The following CRADD variants were observed in gnomAD, a reference collection of about 807,000 sequenced individuals.
CRADD encodes the protein CARD and death domain containing adaptor protein, also known as death domain-containing protein CRADD.
Under a neutral mutation model 15.5 loss-of-function variants are expected in CRADD, and 9 were observed. That is an observed-to-expected ratio of 0.58 (90% CI 0.35 to 1.01). The LOEUF (loss-of-function observed/expected upper bound fraction) is 1.01. Ranked by LOEUF, CRADD falls within the 50% of genes least tolerant of loss-of-function variation. The probability of loss-of-function intolerance (pLI) is 0.02; values close to 1 mark genes in which losing one functional copy is unlikely to be tolerated. For synonymous variants in CRADD, 118 were observed against 107.6 expected (o/e 1.10, Z -0.60); for missense variants, 227 against 250.3 (o/e 0.91, Z 0.63).
chr12:93,716,007 C>A (rs1429164715), intron 2 of CRADD, among the ~76,000 whole-genome samples: 1 of 151,780 alleles, frequency 6.6e-6, no homozygotes, highest in Non-Finnish European at 1.5e-5. Context: ...TGGCAGATGC[C>A]TGTAATCCAA....
chr12:93,710,625 G>A (rs190499649), intron 2 of CRADD, among the ~76,000 whole-genome samples: 3 of 152,198 alleles, frequency 2.0e-5, no homozygotes, highest in African/African-American at 4.8e-5. Context: ...GATTACAGGC[G>A]TGAACCACCA....
At chr12:93,682,048 A>G (rs1013028998) in intron 2 of CRADD, among the ~76,000 whole-genome samples, 4 of 152,174 alleles carry the variant, frequency 2.6e-5, no homozygotes, top group East Asian at 1.9e-4. Flanking sequence ...ATTGGTGGCA[A>G]TATTTTAATT....
At chr12:93,791,650 T>C (rs1957350767) in intron 2 of CRADD, among the ~76,000 whole-genome samples, 1 of 152,088 alleles carries the variant, frequency 6.6e-6, no homozygotes, top group African/African-American at 2.4e-5. Flanking sequence ...TACTTCAAAA[T>C]TGCTGAGTAA....
chr12:93,826,509 A>C (rs940923321), intron 2 of CRADD, among the ~76,000 whole-genome samples: 4 of 152,146 alleles, frequency 2.6e-5, no homozygotes, highest in Non-Finnish European at 5.9e-5. Flanking sequence ...TACTTTTTAC[A>C]TTTTCAAAGC....
intron 2 of CRADD, among the ~76,000 whole-genome samples, chr12:93,768,153 G>A (rs1345757313): frequency 6.6e-6 from 1 of 152,106 alleles, no homozygotes; most frequent in African/African-American, 2.4e-5. Context: ...TGAAATATGA[G>A]TATAAAAATA....
At chr12:93,681,881 A>G (rs1026148042) in intron 2 of CRADD, among the ~76,000 whole-genome samples, 18 of 152,190 alleles carry the variant, frequency 1.2e-4, no homozygotes, top group African/African-American at 4.3e-4. Context: ...GTGTGTGTAT[A>G]TGTATATATG....
chr12:93,816,654 C>T lies in CRADD; in HGVS notation c.299-33316C>T, dbSNP rs150046701. On this transcript the variant is annotated intron_variant, in intron 2 of 2. Transcript: ENST00000332896. Reference sequence around the variant, plus strand: ...TCATTTCAAGTGCTCAGTAGCCACACATGTCTAGTGGCTGCCATATTGGGT... The same window carrying T: ...TCATTTCAAGTGCTCAGTAGCCACATATGTCTAGTGGCTGCCATATTGGGT... Among the ~76,000 whole-genome samples, 547 of 152,296 alleles carry T rather than the reference C, an allele frequency of 3.6e-3. 10 individuals are homozygous for T. The East Asian group carries it at 0.055, about 15-fold the overall frequency.
intron 2 of CRADD, among the ~76,000 whole-genome samples, chr12:93,790,355 A>C (rs940765559): frequency 1.1e-4 from 16 of 152,094 alleles, no homozygotes; most frequent in South Asian, 6.2e-4. Context: ...AAATATACCT[A>C]ATGCTAAATG....
rs12322526 is a variant in CRADD at position 93,689,486 on chromosome 12, C to A, written c.298+10414C>A. ...AAAAAAAGGTATGTTGTGTTTTTTC[C>A]AACAGTAAATTTTAATTGAAAAGGA... is the stretch of plus-strand genomic sequence containing the variant. On this transcript the variant is annotated intron_variant, in intron 2 of 2. Coordinates refer to ENST00000332896, the MANE Select transcript of CRADD (RefSeq NM_003805.5). 9.2e-3 allele frequency among the ~76,000 whole-genome samples: 1,403 copies of A among 151,836 alleles called. 16 individuals carry two copies. Among genetic ancestry groups the A allele is most frequent in the African/African-American group, 0.032 (1,344 of 41,414 alleles).
intron 2 of CRADD, among the ~76,000 whole-genome samples, chr12:93,868,686 G>GCGCACACACACACACACA (rs1958392022): frequency 7.0e-6 from 1 of 142,828 alleles, no homozygotes; most frequent in African/African-American, 2.6e-5. Flanking sequence ...TCTCTCTCTT[G>GCGCACACACACACACACA]CACACACACA....
At chr12:93,738,557 C>G in intron 2 of CRADD, 1 of 688,572 alleles carries the variant, frequency 1.5e-6, no homozygotes, top group South Asian at 1.5e-5. Flanking sequence ...ATTCCTCACA[C>G]CTGCCTCACC....
chr12:93,890,147 C>G (rs1167883769), intron 2 of CRADD, among the ~76,000 whole-genome samples: 2 of 152,204 alleles, frequency 1.3e-5, no homozygotes, highest in Non-Finnish European at 2.9e-5. Flanking sequence ...CTGGGTTTAA[C>G]TCTAGCCAGG....
At chr12:93,710,130 A>G (rs931431380) in intron 2 of CRADD, among the ~76,000 whole-genome samples, 5 of 152,106 alleles carry the variant, frequency 3.3e-5, no homozygotes, top group African/African-American at 1.2e-4. Context: ...TGCTAGCATC[A>G]CTAATACAGC....
intron 2 of CRADD, among the ~76,000 whole-genome samples, chr12:93,712,764 T>C (rs1292663259): frequency 6.6e-6 from 1 of 152,228 alleles, no homozygotes; most frequent in East Asian, 1.9e-4. Context: ...GACTAGGAGC[T>C]TTATGCTACT....
chr12:93,805,839 AAAG>A (rs1957531272), intron 2 of CRADD, among the ~76,000 whole-genome samples: 1 of 152,150 alleles, frequency 6.6e-6, no homozygotes, highest in South Asian at 2.1e-4. Flanking sequence ...TGTCAGAGGG[AAAG>A]AAGGAGGGCA....
At chr12:93,782,072 A>G (rs1003993528) in intron 2 of CRADD, among the ~76,000 whole-genome samples, 1 of 152,076 alleles carries the variant, frequency 6.6e-6, no homozygotes, top group African/African-American at 2.4e-5. Flanking sequence ...TATTCACAAT[A>G]GCAAAGACTT....
At chr12:93,783,228 GTATTA>G in intron 2 of CRADD, among the ~76,000 whole-genome samples, 1 of 139,364 alleles carries the variant, frequency 7.2e-6, no homozygotes, top group East Asian at 2.1e-4. Context: ...ACAGGTATAG[GTATTA>G]TTATTATTAT....
intron 2 of CRADD, among the ~76,000 whole-genome samples, chr12:93,792,458 C>T (rs73222724): frequency 2.3e-4 from 35 of 152,160 alleles, no homozygotes; most frequent in Admixed American, 5.2e-4. Flanking sequence ...GGTTATATTA[C>T]GGGTTAAATG....
intron 2 of CRADD, among the ~76,000 whole-genome samples, chr12:93,817,383 G>A (rs1053355954): frequency 2.0e-5 from 3 of 152,196 alleles, no homozygotes; most frequent in African/African-American, 7.2e-5. Flanking sequence ...AGTGCTTTAC[G>A]TCTATGACCC....
Sources: gnomAD v4.1 joint callset for allele counts (sites outside exome capture counted in the v4.1 genomes callset) on GRCh38, gnomAD v4.1.1 for gene constraint, MANE v1.5 for transcripts, NCBI Gene and HGNC (gene_info 2026-07-23, HGNC 2026-07-21) for gene names.